CCDC197: variants seen among roughly 807,000 people sequenced by gnomAD.
CCDC197 encodes the protein uncharacterized protein CCDC197.
In CCDC197, 24 loss-of-function variants were observed where a neutral mutation model predicts 13.4. That is an observed-to-expected ratio of 1.80 (90% confidence interval 1.30 to 2.53). The LOEUF (loss-of-function observed/expected upper bound fraction) is 2.53. Among genes scored for constraint, CCDC197 ranks in the 30% most tolerant of loss-of-function variants. The pLI is 0.00. For missense variants in CCDC197, 255 were observed against 148.8 expected, an observed-to-expected ratio of 1.71 and a Z score of -3.71; for synonymous variants, 99 against 55.5, an observed-to-expected ratio of 1.78 and a Z score of -3.48.
chr14:93,990,742 G>T (rs898041609), intron 1 of CCDC197, among the ~76,000 whole-genome samples: 3 of 152,204 alleles, frequency 2.0e-5, no homozygotes, highest in Non-Finnish European at 2.9e-5. Flanking sequence ...TTCAGGAGAG[G>T]CCTGGCCTTT....
rs185371921 is a variant in CCDC197, at chr14:93,989,074, G to A, written c.-107+1678G>A. ...AAACTGCAATGTTTGGGGTCCATGC[G>A]AGAGATGGTGAGAGAGGGCAGGGGA... On this transcript the variant is annotated intron_variant, in intron 1 of 7. Transcript: ENST00000640978. 4.6e-5 allele frequency among the ~76,000 whole-genome samples: 7 copies of A among 152,080 alleles called. No individual in the cohort carries two copies. In the East Asian group the frequency reaches 1.2e-3, roughly 25 times the overall value.
intron 4 of CCDC197, among the ~76,000 whole-genome samples, chr14:94,002,168 G>A (rs1396048993): frequency 6.6e-6 from 1 of 152,172 alleles, no homozygotes; most frequent in Non-Finnish European, 1.5e-5. Flanking sequence ...ATTTTCGAGG[G>A]GAGGAAAGTA....
downstream of CCDC197, chr14:94,009,005 G>A: frequency 1.8e-6 from 1 of 548,246 alleles, no homozygotes; most frequent in Non-Finnish European, 3.3e-6. Flanking sequence ...TCCAGGTAAG[G>A]CCTGCCTGGG....
intron 1 of CCDC197, among the ~76,000 whole-genome samples, chr14:93,989,209 A>G (rs772475272): frequency 6.6e-6 from 1 of 152,082 alleles, no homozygotes; most frequent in Non-Finnish European, 1.5e-5. Context: ...CTAGGGAGTT[A>G]GATTGGCTAT....
At chr14:93,996,420 C>A (rs1254436454), upstream of CCDC197, among the ~76,000 whole-genome samples, 1 of 148,568 alleles carries the variant, frequency 6.7e-6, no homozygotes. Flanking sequence ...CTGAGCCCAG[C>A]CCCGACCCTG....
In CCDC197 at chr14:94,003,147, C is replaced by T; in HGVS notation, c.367-76C>T. The stretch of plus-strand genomic sequence containing the variant: ...CCTCCTATCCTGTCATTGCACAGAC[C>T]ACCCTGGGGACTCAGACCAGGGCAT... On this transcript the variant is annotated intron_variant, in intron 4 of 6. Transcript: ENST00000636493. This position sits in a 1 kb window ranked among gnomAD's most constrained non-coding sequence, Gnocchi z 5.0. 2 of 712,794 alleles carry T rather than the reference C, an allele frequency of 2.8e-6. No homozygotes were observed. Among genetic ancestry groups the T allele is most frequent in the Non-Finnish European group, 5.2e-6 (2 of 384,360 alleles). 44.2% of individuals were successfully genotyped at this position (712,794 alleles called of 1,614,324 possible). A position where few individuals can be genotyped will look rare whatever the true frequency, so the allele number is the denominator to read the frequency against.
chr14:94,005,879 G>A (rs77850781), intron 6 of CCDC197, among the ~76,000 whole-genome samples: 12,153 of 152,272 alleles, frequency 0.08, 626 homozygotes, highest in Middle Eastern at 0.15. Flanking sequence ...TATATGGATA[G>A]AACTTTTGTT....
In CCDC197 at chr14:94,001,356, G is replaced by C. The variant is rs917389935; in HGVS notation, c.366+33G>C. ...CTGCTTGAAGTCTGCTCCATTCCCC[G>C]TGGCCCAGGGAGCTGGGGGCGTGGG... is the stretch of plus-strand genomic sequence containing the variant. On this transcript the variant is annotated intron_variant, in intron 4 of 6. Coordinates refer to ENST00000636493, the MANE Select transcript of CCDC197 (RefSeq NM_001351596.2). The C allele has an allele frequency of 1.1e-5, 8 of 717,006 alleles. No individual in the cohort carries two copies. The African/African-American group carries it at 1.2e-4, about 11-fold the overall frequency. 44.4% of individuals were successfully genotyped at this position (717,006 alleles called of 1,614,324 possible). A position where few individuals can be genotyped will look rare whatever the true frequency, so the allele number is the denominator to read the frequency against.
chr14:94,004,285 G>A (rs1353060467), intron 5 of CCDC197, among the ~76,000 whole-genome samples: 1 of 152,178 alleles, frequency 6.6e-6, no homozygotes, highest in African/African-American at 2.4e-5. Flanking sequence ...CATGGCTTGG[G>A]CACAGGGCTG....
chr14:94,000,925 T>A, intron 3 of CCDC197: 1 of 397,356 alleles, frequency 2.5e-6, no homozygotes, highest in Non-Finnish European at 4.3e-6. Flanking sequence ...GGCTGAACTT[T>A]CCAAGGTTGA....
At chr14:93,998,257 C>A (rs376195089) in intron 2 of CCDC197, 22 bp downstream of exon 2, 18 of 767,214 alleles carry the variant, frequency 2.3e-5, no homozygotes, top group African/African-American at 8.5e-5. Flanking sequence ...CCCACCCCTG[C>A]CCCAGCCCCA....
At chr14:93,990,098 T>C (rs1426756614) in intron 1 of CCDC197, among the ~76,000 whole-genome samples, 1 of 152,212 alleles carries the variant, frequency 6.6e-6, no homozygotes, top group African/African-American at 2.4e-5. Flanking sequence ...AATGCTCTGC[T>C]TTAAAGGGCT....
intron 6 of CCDC197, among the ~76,000 whole-genome samples, chr14:94,006,356 A>ATT (rs34620720): frequency 0.011 from 1,511 of 142,664 alleles, 16 homozygotes; most frequent in African/African-American, 0.034. Context: ...GATTATTTGT[A>ATT]TTTTTTTTTT....
chr14:94,002,434 G>A (rs191280303), intron 4 of CCDC197, among the ~76,000 whole-genome samples: 1 of 152,216 alleles, frequency 6.6e-6, no homozygotes, highest in East Asian at 1.9e-4. Flanking sequence ...GATTACAGGC[G>A]TGTGCCACCA....
At chr14:93,992,490 G>A (rs749719662), upstream of CCDC197, among the ~76,000 whole-genome samples, 2 of 152,180 alleles carry the variant, frequency 1.3e-5, no homozygotes, top group Non-Finnish European at 2.9e-5. Context: ...GAAGGTGATG[G>A]TTCTGGGACA....
intron 3 of CCDC197, among the ~76,000 whole-genome samples, chr14:94,000,271 A>G (rs962653283): frequency 6.6e-6 from 1 of 152,148 alleles, no homozygotes; most frequent in African/African-American, 2.4e-5. Flanking sequence ...TACCCCTCCT[A>G]TGAGCTTTGC....
chr14:93,989,277 G>A (rs568372755), intron 1 of CCDC197, among the ~76,000 whole-genome samples: 1 of 152,254 alleles, frequency 6.6e-6, no homozygotes, highest in South Asian at 2.1e-4. Flanking sequence ...TCCCAGGTCA[G>A]AGGCATTGCA....
chr14:94,011,613 T>C (rs1459064835), downstream of CCDC197, among the ~76,000 whole-genome samples: 1 of 152,232 alleles, frequency 6.6e-6, no homozygotes, highest in Non-Finnish European at 1.5e-5. Context: ...CAAAGCACTT[T>C]TCTCATAGGT....
At chr14:93,999,376 T>C (rs1205651240) in intron 2 of CCDC197, 1 of 531,232 alleles carries the variant, frequency 1.9e-6, no homozygotes, top group Non-Finnish European at 3.3e-6. Context: ...CTATGGGCGT[T>C]TATTTGATCT....
Sources: allele counts gnomAD v4.1 joint callset (sites outside exome capture counted in the v4.1 genomes callset), GRCh38; gene constraint gnomAD v4.1.1; non-coding constraint Gnocchi (gnomAD v3.1); transcripts MANE v1.5; gene names NCBI Gene and HGNC (gene_info 2026-07-23, HGNC 2026-07-21).